KCNIP4: variants seen among roughly 807,000 people sequenced by gnomAD.
KCNIP4 encodes the protein potassium voltage-gated channel interacting protein 4, also known as Kv channel-interacting protein 4.
In KCNIP4, 12 loss-of-function variants were observed where a neutral mutation model predicts 34.0. The observed-to-expected ratio is 0.35, with a 90% CI of 0.23 to 0.57. KCNIP4 has a LOEUF of 0.57. KCNIP4 is among the 20% of genes least tolerant of loss of function. The probability of loss-of-function intolerance (pLI) is 0.83; values close to 1 mark genes in which losing one functional copy is unlikely to be tolerated. For synonymous variants in KCNIP4, 124 were observed against 102.2 expected (o/e 1.21, Z -1.29); for missense variants, 238 against 311.7 (o/e 0.76, Z 1.78).
intron 1 of KCNIP4, among the ~76,000 whole-genome samples, chr4:21,483,996 C>T (rs966217855): frequency 1.4e-4 from 19 of 131,232 alleles, no homozygotes; most frequent in African/African-American, 6.0e-4. Context: ...AACCATGAGC[C>T]AATTAAACCT....
intron 1 of KCNIP4, among the ~76,000 whole-genome samples, chr4:21,812,346 G>A (rs1001095876): frequency 1.3e-5 from 2 of 152,042 alleles, no homozygotes; most frequent in Non-Finnish European, 2.9e-5. Flanking sequence ...GTAATGGTGG[G>A]AATCCAGGCA....
At chr4:21,478,322 T>C (rs1489119136) in intron 1 of KCNIP4, among the ~76,000 whole-genome samples, 1 of 152,118 alleles carries the variant, frequency 6.6e-6, no homozygotes, top group African/African-American at 2.4e-5. Context: ...CCCTTTAACC[T>C]AGGACTTGGG....
At chr4:21,352,838 C>G (rs1029212188) in intron 1 of KCNIP4, among the ~76,000 whole-genome samples, 4 of 152,204 alleles carry the variant, frequency 2.6e-5, no homozygotes, top group Admixed American at 2.6e-4. Flanking sequence ...TCCCTGATCC[C>G]AGTGTACCCA....
chr4:20,963,114 G>T (rs1334819636), intron 1 of KCNIP4, among the ~76,000 whole-genome samples: 1 of 151,872 alleles, frequency 6.6e-6, no homozygotes, highest in East Asian at 1.9e-4. Flanking sequence ...TGAGGTGAGG[G>T]GTTCGAGACC....
chr4:21,364,415 T>C (rs1719518844), intron 1 of KCNIP4, among the ~76,000 whole-genome samples: 1 of 152,104 alleles, frequency 6.6e-6, no homozygotes, highest in Non-Finnish European at 1.5e-5. Context: ...TCATCAGAGC[T>C]ATAACAGTAG....
At chr4:21,443,657 A>T (rs746286435) in intron 1 of KCNIP4, among the ~76,000 whole-genome samples, 1 of 152,146 alleles carries the variant, frequency 6.6e-6, no homozygotes, top group Non-Finnish European at 1.5e-5. Flanking sequence ...CTCAAGATTG[A>T]ACATTAACCA....
intron 1 of KCNIP4, among the ~76,000 whole-genome samples, chr4:21,278,814 C>T (rs189866264): frequency 2.4e-4 from 37 of 152,238 alleles, no homozygotes; most frequent in Non-Finnish European, 2.1e-4. Context: ...TATACATATA[C>T]AGAAACTTTG....
chr4:20,741,759 C>A (rs371622889), intron 5 of KCNIP4, among the ~76,000 whole-genome samples: 1 of 152,100 alleles, frequency 6.6e-6, no homozygotes, highest in African/African-American at 2.4e-5. Context: ...AAAAACCCTT[C>A]AAAAAATCAA....
chr4:21,621,747 T>G (rs1051678094), intron 1 of KCNIP4, among the ~76,000 whole-genome samples: 2 of 152,104 alleles, frequency 1.3e-5, no homozygotes, highest in Non-Finnish European at 2.9e-5. Flanking sequence ...TCCAACACAT[T>G]TGGGCACGAA....
intron 1 of KCNIP4, among the ~76,000 whole-genome samples, chr4:20,993,091 T>C: frequency 6.9e-6 from 1 of 144,858 alleles, no homozygotes; most frequent in Non-Finnish European, 1.5e-5. Context: ...CCTACCAGAA[T>C]GCAGGGCATG....
intron 1 of KCNIP4, among the ~76,000 whole-genome samples, chr4:21,202,184 G>A (rs1048576958): frequency 1.1e-4 from 16 of 152,170 alleles, no homozygotes; most frequent in African/African-American, 3.9e-4. Flanking sequence ...CATCACAGCT[G>A]TCTGTAATGT....
intron 1 of KCNIP4, among the ~76,000 whole-genome samples, chr4:21,807,087 G>A (rs1401950240): frequency 6.6e-6 from 1 of 152,174 alleles, no homozygotes; most frequent in East Asian, 1.9e-4. Context: ...CTCATAAGGA[G>A]CATGCAACCT....
At chr4:21,125,799 A>G (rs1023149851) in intron 1 of KCNIP4, among the ~76,000 whole-genome samples, 1 of 152,112 alleles carries the variant, frequency 6.6e-6, no homozygotes, top group African/African-American at 2.4e-5. Context: ...GGGTGAAGTA[A>G]AAAGGGTCAC....
At chr4:21,255,029 T>G (rs1760970557) in intron 1 of KCNIP4, among the ~76,000 whole-genome samples, 1 of 152,206 alleles carries the variant, frequency 6.6e-6, no homozygotes, top group Admixed American at 6.5e-5. Flanking sequence ...TCAGGTAAAG[T>G]TGACCGTCTC....
chr4:21,234,416 ACT>A (rs1759166831), intron 1 of KCNIP4, among the ~76,000 whole-genome samples: 2 of 132,276 alleles, frequency 1.5e-5, no homozygotes, highest in South Asian at 2.2e-4. Context: ...TATAACATAT[ACT>A]ATATATATTA....
chr4:21,046,906 T>C (rs1429278240), intron 1 of KCNIP4, among the ~76,000 whole-genome samples: 3 of 152,326 alleles, frequency 2.0e-5, no homozygotes, highest in East Asian at 1.9e-4. Context: ...TGCTAGCTAA[T>C]TTATATACTT....
chr4:21,507,317 T>C (rs1733930844), intron 1 of KCNIP4, among the ~76,000 whole-genome samples: 1 of 150,612 alleles, frequency 6.6e-6, no homozygotes, highest in Non-Finnish European at 1.5e-5. Flanking sequence ...CAGGCTGGAG[T>C]GTAGTGGCTC....
At chr4:20,774,701 G>C (rs1756224471) in intron 3 of KCNIP4, among the ~76,000 whole-genome samples, 1 of 152,140 alleles carries the variant, frequency 6.6e-6, no homozygotes, top group Non-Finnish European at 1.5e-5. Context: ...ATTTAAAGAG[G>C]GACCTGAAGG....
At chr4:21,308,338 C>A (rs1442447274) in intron 1 of KCNIP4, among the ~76,000 whole-genome samples, 1 of 152,176 alleles carries the variant, frequency 6.6e-6, no homozygotes, top group Non-Finnish European at 1.5e-5. Context: ...GATACTTAAT[C>A]TCCGTGGAGC....
Sources: gnomAD v4.1 joint callset for allele counts (sites outside exome capture counted in the v4.1 genomes callset) on GRCh38, gnomAD v4.1.1 for gene constraint, MANE v1.5 for transcripts, NCBI Gene and HGNC (gene_info 2026-07-23, HGNC 2026-07-21) for gene names.